Variants in XPO7 observed in about 807,000 individuals in gnomAD.
XPO7 encodes exportin-7.
A neutral mutation model predicts 144.3 loss-of-function variants in XPO7; 21 were observed. The observed-to-expected ratio is 0.15, with a 90% CI of 0.10 to 0.21. The LOEUF is 0.21. Among genes scored for constraint, XPO7 ranks in the 10% least tolerant of loss-of-function variants. XPO7 has a pLI of 1.00. For missense variants in XPO7, 808 were observed against 1,325.8 expected, an observed-to-expected ratio of 0.61 and a Z score of 6.06; for synonymous variants, 580 against 499.6, an observed-to-expected ratio of 1.16 and a Z score of -2.15.
intron 1 of XPO7, among the ~76,000 whole-genome samples, chr8:21,963,027 A>G (rs897204410): frequency 6.6e-6 from 1 of 152,188 alleles, no homozygotes; most frequent in Non-Finnish European, 1.5e-5. Context: ...GGGGACATAA[A>G]TTAAAAGGGT....
intron 1 of XPO7, 76 bp downstream of exon 1, chr8:21,919,864 G>C (rs1204170658): frequency 3.2e-6 from 1 of 308,792 alleles, no homozygotes; most frequent in African/African-American, 2.2e-5. Context: ...CGGCCCACAG[G>C]GCGCCAGCCG....
intron 1 of XPO7, among the ~76,000 whole-genome samples, chr8:21,936,098 A>G (rs1810813305): frequency 6.6e-6 from 1 of 152,152 alleles, no homozygotes; most frequent in Admixed American, 6.5e-5. Context: ...GCTAAGTGTA[A>G]ATTCCTTTAG....
At chr8:21,999,960 A>T (rs187121686) in intron 24 of XPO7, among the ~76,000 whole-genome samples, 8 of 152,332 alleles carry the variant, frequency 5.3e-5, no homozygotes, top group Admixed American at 3.3e-4. Context: ...CACATGAACA[A>T]ACAACTGCCT....
At chr8:21,969,134 G>A (rs1354653853) in intron 2 of XPO7, among the ~76,000 whole-genome samples, 1 of 152,090 alleles carries the variant, frequency 6.6e-6, no homozygotes, top group African/African-American at 2.4e-5. Context: ...AGATACTAAG[G>A]GGAGATTTCT....
intron 1 of XPO7, among the ~76,000 whole-genome samples, chr8:21,935,574 C>G (rs1810795013): frequency 6.6e-6 from 1 of 152,074 alleles, no homozygotes; most frequent in East Asian, 1.9e-4. Context: ...CTAGCTTGAC[C>G]TTTTGCTTTT....
At chr8:21,923,473 A>C (rs1208947367) in intron 1 of XPO7, among the ~76,000 whole-genome samples, 1 of 152,212 alleles carries the variant, frequency 6.6e-6, no homozygotes, top group African/African-American at 2.4e-5. Flanking sequence ...ACTCCTATTC[A>C]ACACCACACT....
At chr8:21,970,082 C>T in intron 3 of XPO7, 62 bp from the exon 4 acceptor site, 2 of 1,552,990 alleles carry the variant, frequency 1.3e-6, no homozygotes, top group Non-Finnish European at 1.7e-6. Context: ...AAGATATACA[C>T]CCTTCTCTGG....
intron 1 of XPO7, among the ~76,000 whole-genome samples, chr8:21,924,709 T>G (rs1452042663): frequency 6.6e-6 from 1 of 152,202 alleles, no homozygotes; most frequent in East Asian, 1.9e-4. Flanking sequence ...TAACTAGAGT[T>G]TAAATATATG....
Position 21,994,392 on chromosome 8 carries a change from G to A in XPO7, c.2178G>A (p.Leu726=), listed in dbSNP as rs1381196107. 6.2e-7 allele frequency: 1 copy of A among 1,612,482 alleles called. No individual in the cohort carries two copies. Among genetic ancestry groups the A allele is most frequent in the Non-Finnish European group, 8.5e-7 (1 of 1,178,860 alleles). Residue 726 remains leucine (L), a synonymous_variant, in exon 20 of 28, where the codon CTG becomes CTA. Coordinates refer to ENST00000252512, the MANE Select transcript of XPO7 (RefSeq NM_015024.5). ...KRTLVGLVRD[L]RGIAFAFNAK... ...CTCTAGTTGGCCTAGTAAGAGACCT[G>A]AGAGGGATCGCTTTCGCTTTCAATG...
Position 21,997,567 on chromosome 8 carries a change from G to T in XPO7, c.2346-1188G>T, listed in dbSNP as rs141500404. Among the ~76,000 whole-genome samples, 74 of 152,316 alleles carry T rather than the reference G, an allele frequency of 4.9e-4. 2 individuals are homozygous for T. The highest frequency in any genetic ancestry group is 4.4e-3 in the Admixed American group (67 of 15,300). Reference sequence around the variant, plus strand: ...GACTTGTGGCAGGAGCCTGGTTGGTGGGGGGAGGCTGTGGGAGCAGGTCAG... The same window carrying T: ...GACTTGTGGCAGGAGCCTGGTTGGTTGGGGGAGGCTGTGGGAGCAGGTCAG... On this transcript the variant is annotated intron_variant, in intron 21 of 27. Coordinates refer to ENST00000252512, the MANE Select transcript of XPO7 (RefSeq NM_015024.5).
At chr8:22,001,237 TAGA>T (rs754159614) in intron 24 of XPO7, among the ~76,000 whole-genome samples, 2 of 149,930 alleles carry the variant, frequency 1.3e-5, no homozygotes, top group East Asian at 3.9e-4. Context: ...ACCCGGGAAG[TAGA>T]AGCTGTGGTG....
At chr8:21,951,090 T>TTTAA (rs200902908) in intron 1 of XPO7, among the ~76,000 whole-genome samples, 1,688 of 151,898 alleles carry the variant, frequency 0.011, 20 homozygotes, top group African/African-American at 0.031. Flanking sequence ...AGCGAGTAAA[T>TTTAA]TTAATTAATT....
chr8:21,920,073 A>C (rs1027224704), intron 1 of XPO7, among the ~76,000 whole-genome samples: 11 of 151,062 alleles, frequency 7.3e-5, no homozygotes, highest in African/African-American at 2.7e-4. Context: ...TTCGTCAGTC[A>C]CTGTCTTCGT....
At chr8:21,998,977 G>A in intron 22 of XPO7, 114 bp from the exon 23 acceptor site, 1 of 1,455,916 alleles carries the variant, frequency 6.9e-7, no homozygotes, top group Non-Finnish European at 9.5e-7. Flanking sequence ...GTGCATTAGA[G>A]TGCCACCTGT....
At chr8:21,976,335 A>C (rs753288192) in intron 6 of XPO7, 21 bp from the exon 7 acceptor site, 4 of 1,609,336 alleles carry the variant, frequency 2.5e-6, no homozygotes, top group Non-Finnish European at 3.4e-6. Context: ...TTGGGGACTC[A>C]TTATGTGGTA....
intron 4 of XPO7, among the ~76,000 whole-genome samples, chr8:21,971,232 T>C (rs1416137729): frequency 2.0e-5 from 3 of 152,204 alleles, no homozygotes; most frequent in Non-Finnish European, 2.9e-5. Flanking sequence ...CACTCTATGA[T>C]GTTAGCACAA....
intron 19 of XPO7, 57 bp from the exon 20 acceptor site, chr8:21,994,306 G>A (rs1228735348): frequency 7.5e-7 from 1 of 1,336,872 alleles, no homozygotes; most frequent in East Asian, 2.4e-5. Context: ...ATCCTCATCA[G>A]ATTGTTACAG....
At chr8:21,975,324 A>G (rs1225536919) in intron 6 of XPO7, among the ~76,000 whole-genome samples, 1 of 152,262 alleles carries the variant, frequency 6.6e-6, no homozygotes, top group Non-Finnish European at 1.5e-5. Flanking sequence ...CTGGAGGAGT[A>G]GACAGTATCA....
At chr8:21,940,579 C>T (rs1194870308) in intron 1 of XPO7, among the ~76,000 whole-genome samples, 1 of 151,640 alleles carries the variant, frequency 6.6e-6, no homozygotes, top group Non-Finnish European at 1.5e-5. Context: ...AAGCAATTAT[C>T]CTGTCTTAGC....
Sources: allele counts gnomAD v4.1 joint callset (sites outside exome capture counted in the v4.1 genomes callset), GRCh38; gene constraint gnomAD v4.1.1; transcripts MANE v1.5; gene names NCBI Gene and HGNC (gene_info 2026-07-23, HGNC 2026-07-21).